Variants in PEX13 observed in about 807,000 individuals in gnomAD.
PEX13 encodes peroxisome biogenesis factor 13.
A neutral mutation model predicts 34.5 loss-of-function variants in PEX13; 28 were observed. The observed-to-expected ratio is 0.81, with a 90% confidence interval of 0.60 to 1.11. The LOEUF (loss-of-function observed/expected upper bound fraction) is 1.11. PEX13 is among the 50% of genes most tolerant of loss of function. The pLI is 0.00. For synonymous variants in PEX13, 177 were observed against 175.1 expected (o/e 1.01, Z -0.09); for missense variants, 550 against 491.0 (o/e 1.12, Z -1.13).
At chr2:61,027,305 C>T (rs1680374765) in intron 1 of PEX13, among the ~76,000 whole-genome samples, 1 of 150,018 alleles carries the variant, frequency 6.7e-6, no homozygotes, top group Non-Finnish European at 1.5e-5. Flanking sequence ...CACCACTGAA[C>T]TCCAGCTTGG....
chr2:61,043,836 A>G (rs1284793139), intron 2 of PEX13, among the ~76,000 whole-genome samples: 3 of 151,930 alleles, frequency 2.0e-5, no homozygotes, highest in African/African-American at 7.3e-5. Context: ...GTTTTATTTT[A>G]TTTTTTTTGA....
chr2:61,033,233 A>G (rs1680481034), intron 2 of PEX13, among the ~76,000 whole-genome samples: 1 of 152,142 alleles, frequency 6.6e-6, no homozygotes, highest in African/African-American at 2.4e-5. Flanking sequence ...ATAGATATTT[A>G]TTAATTTGGG....
chr2:61,047,038 G>A (rs907157730), intron 3 of PEX13, among the ~76,000 whole-genome samples: 2 of 151,870 alleles, frequency 1.3e-5, no homozygotes, highest in African/African-American at 4.8e-5. Context: ...GTAGTACATT[G>A]TAATCACACC....
chr2:61,031,724 T>C lies in PEX13; in HGVS notation c.398T>C (p.Ile133Thr). The C allele has an allele frequency of 6.2e-7, 1 of 1,614,212 alleles. No individual in the cohort carries two copies. Among genetic ancestry groups the C allele is most frequent in the Non-Finnish European group, 8.5e-7 (1 of 1,180,022 alleles). ...AGCAGCAGGGGTGCATTTCAGTCCATTGAAAGTATTGTGCATGCATTTGCC... is the reference window on the plus strand; with the variant it reads ...AGCAGCAGGGGTGCATTTCAGTCCACTGAAAGTATTGTGCATGCATTTGCC... ...EESSRGAFQS[I>T]ESIVHAFASV... The change falls in exon 2 of 4, where the codon ATT becomes ACT. Residue 133 changes from isoleucine to threonine, a missense_variant. Physicochemically the swap from Ile to Thr is moderately conservative, Grantham distance 89. Transcript: ENST00000295030.
intron 3 of PEX13, 120 bp from the exon 4 acceptor site, chr2:61,048,352 C>T (rs1680741854): frequency 2.5e-6 from 2 of 789,910 alleles, no homozygotes; most frequent in Admixed American, 2.0e-5. Flanking sequence ...TATGCATGTA[C>T]TATTTGTTAT....
At chr2:61,029,803 C>T (rs571870967) in intron 1 of PEX13, among the ~76,000 whole-genome samples, 1 of 150,904 alleles carries the variant, frequency 6.6e-6, no homozygotes, top group East Asian at 1.9e-4. Context: ...TAGAGTGAGA[C>T]CCTGTCTCTT....
intron 2 of PEX13, among the ~76,000 whole-genome samples, 159 bp from the exon 3 acceptor site, chr2:61,045,567 G>T (rs984273287): frequency 6.6e-6 from 1 of 152,144 alleles, no homozygotes; most frequent in Non-Finnish European, 1.5e-5. Flanking sequence ...ATCTTTAGTG[G>T]ATCTATTGTT....
At chr2:61,018,985 T>C (rs1322005700) in intron 1 of PEX13, 1 of 152,282 alleles carries the variant, frequency 6.6e-6, no homozygotes, top group Non-Finnish European at 1.5e-5. Flanking sequence ...ATAATACCTA[T>C]ATATTCACTA....
In PEX13 at chr2:61,032,103, T is replaced by C. The variant is rs781350418; in HGVS notation, c.777T>C (p.Asp259=). 3.4e-5 allele frequency: 54 copies of C among 1,609,592 alleles called. No individual in the cohort carries two copies. The highest frequency in any genetic ancestry group is 4.3e-5 in the Non-Finnish European group (51 of 1,176,066). ...GGAAACTATTGTCTACTCACAGTGA[T>C]GAAGTAACAGGTAAGAGAACTGTAA... ...LIWKLLSTHS[D]EVTDSINWAS... The change falls in exon 2 of 4, where the codon GAT becomes GAC. Residue 259 remains aspartate (D), a synonymous_variant. Transcript: ENST00000295030.
intron 1 of PEX13, chr2:61,018,329 T>TA (rs1680153330): frequency 6.5e-7 from 1 of 1,533,832 alleles, no homozygotes; most frequent in East Asian, 2.5e-5. Context: ...TCAAGCCCCG[T>TA]ACACTTTGCA....
chr2:61,043,116 C>T (rs183750762), intron 2 of PEX13, among the ~76,000 whole-genome samples: 45 of 152,212 alleles, frequency 3.0e-4, no homozygotes, highest in African/African-American at 1.0e-3. Context: ...CCCTTGATCT[C>T]GGATTTCCTA....
chr2:61,028,134 G>A (rs1165871771), intron 1 of PEX13, among the ~76,000 whole-genome samples: 1 of 152,148 alleles, frequency 6.6e-6, no homozygotes, highest in Non-Finnish European at 1.5e-5. Flanking sequence ...CAAAGGGAAA[G>A]ATACATTTTA....
At chr2:61,043,763 A>G (rs927166656) in intron 2 of PEX13, among the ~76,000 whole-genome samples, 1 of 152,326 alleles carries the variant, frequency 6.6e-6, no homozygotes, top group South Asian at 2.1e-4. Context: ...TTTGTCAGAT[A>G]CAGAAGCTGA....
chr2:61,042,783 C>G (rs751518594), intron 2 of PEX13, among the ~76,000 whole-genome samples: 7 of 152,158 alleles, frequency 4.6e-5, no homozygotes, highest in Non-Finnish European at 7.4e-5. Context: ...AAAATATGTC[C>G]AGAGAAAGTA....
In PEX13 at chr2:61,048,500, T is replaced by C; in HGVS notation, c.942T>C (p.Leu314=). 1 of 1,614,136 alleles carries C rather than the reference T, an allele frequency of 6.2e-7. No homozygotes were observed. Among genetic ancestry groups the C allele is most frequent in the African/African-American group, 1.3e-5 (1 of 75,048 alleles). The change falls in exon 4 of 4, where the codon CTT becomes CTC. Residue 314 remains leucine, a synonymous_variant. Transcript: ENST00000295030. ...KEQQPKVRGW[L]LASLDGQTTG... is the part of the protein sequence containing the mutation. ...AACAACCCAAAGTGCGTGGTTGGCT[T>C]CTGGCTAGCCTTGATGGCCAAACAA...
chr2:61,018,170 C>G (rs534181108), intron 1 of PEX13: 1 of 1,550,630 alleles, frequency 6.4e-7, no homozygotes, highest in African/African-American at 1.4e-5. Flanking sequence ...AGAATGGCTT[C>G]TCTATCTTTA....
intron 1 of PEX13, among the ~76,000 whole-genome samples, chr2:61,021,975 G>C (rs895768111): frequency 2.0e-5 from 3 of 152,212 alleles, no homozygotes; most frequent in African/African-American, 7.2e-5. Flanking sequence ...GAAAGGAATA[G>C]CTTCAACATC....
Position 61,048,740 on chromosome 2 carries a change from T to C in PEX13, c.1182T>C (p.Ile394=). ...TNKVPVAPDS[I]GKDGEKQDL ...AGGTTCCAGTTGCACCTGATTCCAT[T>C]GGGAAAGATGGAGAAAAGCAAGATC... The change falls in exon 4 of 4, where the codon ATT becomes ATC. Residue 394 remains isoleucine, a synonymous_variant. Coordinates refer to ENST00000295030, the MANE Select transcript of PEX13 (RefSeq NM_002618.4). 3 of 1,614,010 alleles carry C rather than the reference T, an allele frequency of 1.9e-6. No homozygotes were observed. Among genetic ancestry groups the C allele is most frequent in the Non-Finnish European group, 2.5e-6 (3 of 1,179,840 alleles).
At position 61,050,951 on chromosome 2, in the gene PEX13, C is replaced by G. The variant is rs1402559308; in HGVS notation, c.*2181C>G. ...GTATTTTTTTCTAATAGACTATGTT[C>G]AACAAATAAGTAATTCTCGAATAGT... On this transcript the variant is annotated 3_prime_UTR_variant, in exon 4 of 4. Transcript: ENST00000295030. 1.3e-5 allele frequency: 2 copies of G among 152,306 alleles called. No individual in the cohort carries two copies. Among genetic ancestry groups the G allele is most frequent in the African/African-American group, 4.8e-5 (2 of 41,448 alleles). The allele number at this position is 152,306 out of a possible 1,614,324, so 9.4% of individuals were successfully genotyped here.
Sources: gnomAD v4.1 joint callset for allele counts (sites outside exome capture counted in the v4.1 genomes callset) on GRCh38, gnomAD v4.1.1 for gene constraint, MANE v1.5 for transcripts, NCBI Gene and HGNC (gene_info 2026-07-23, HGNC 2026-07-21) for gene names.